Variants in TENM4 observed in about 807,000 individuals in gnomAD.
The protein encoded by TENM4 is teneurin-4.
In TENM4, 82 loss-of-function variants were observed where a neutral mutation model predicts 243.3. The observed-to-expected ratio is 0.34, with a 90% CI of 0.28 to 0.40. The LOEUF is 0.40. TENM4 is among the 10% of genes least tolerant of loss of function. The pLI is 1.00. For missense variants in TENM4, 3,138 were observed against 3,673.3 expected (o/e 0.85, Z 3.77); for synonymous variants, 1,412 against 1,456.3 (o/e 0.97, Z 0.69).
At chr11:78,837,134 T>C (rs1050281062) in intron 12 of TENM4, among the ~76,000 whole-genome samples, 1 of 152,198 alleles carries the variant, frequency 6.6e-6, no homozygotes, top group Admixed American at 6.5e-5. Context: ...CCAAATCTCA[T>C]CTTGAATTGT....
chr11:79,286,782 A>G (rs763072039), intron 2 of TENM4, among the ~76,000 whole-genome samples: 2 of 152,334 alleles, frequency 1.3e-5, no homozygotes, highest in African/African-American at 2.4e-5. Context: ...ATTTTCTTTC[A>G]TCTTCATTTA....
intron 3 of TENM4, among the ~76,000 whole-genome samples, chr11:79,185,914 A>G (rs930171513): frequency 1.3e-5 from 2 of 152,194 alleles, no homozygotes; most frequent in Non-Finnish European, 2.9e-5. Context: ...AGTTATCCCC[A>G]AGTCTGAGTG....
chr11:78,974,821 G>A (rs1350395155), intron 6 of TENM4, among the ~76,000 whole-genome samples: 1 of 151,266 alleles, frequency 6.6e-6, no homozygotes, highest in Non-Finnish European at 1.5e-5. Context: ...CAAGTAGCTG[G>A]GATTATAGGC....
intron 6 of TENM4, among the ~76,000 whole-genome samples, chr11:78,961,906 G>C (rs1857332834): frequency 6.6e-6 from 1 of 151,720 alleles, no homozygotes; most frequent in South Asian, 2.1e-4. Context: ...CTGCCTGTCC[G>C]ATGTCTCTCA....
chr11:78,765,675 T>G (rs1197993386), intron 18 of TENM4, among the ~76,000 whole-genome samples: 1 of 152,228 alleles, frequency 6.6e-6, no homozygotes, highest in Non-Finnish European at 1.5e-5. Flanking sequence ...GCTCTCCCGC[T>G]GAGCCACTGT....
At chr11:79,319,013 A>G (rs1856846085) in intron 1 of TENM4, among the ~76,000 whole-genome samples, 1 of 152,198 alleles carries the variant, frequency 6.6e-6, no homozygotes, top group South Asian at 2.1e-4. Context: ...TTCAGGGCCA[A>G]CCATGTGCCA....
intron 2 of TENM4, among the ~76,000 whole-genome samples, chr11:79,271,500 T>C (rs917725156): frequency 1.3e-5 from 2 of 152,282 alleles, no homozygotes; most frequent in Admixed American, 1.3e-4. Context: ...TGCATTTGTG[T>C]CCCCAGGGCC....
intron 12 of TENM4, among the ~76,000 whole-genome samples, chr11:78,836,678 A>G (rs1351616111): frequency 6.6e-6 from 1 of 152,182 alleles, no homozygotes; most frequent in Non-Finnish European, 1.5e-5. Flanking sequence ...TTTCTTTCTT[A>G]AAGTGAATCC....
chr11:79,270,014 C>T lies in TENM4; in HGVS notation c.-265+27474G>A, dbSNP rs986996424. ...CCCAGCAGGTTCCTTTCCAGGGCCT[C>T]GCAGAGAAGCACAGGCCTGCATGCA... On this transcript the variant is annotated intron_variant, in intron 2 of 33. Transcript: ENST00000278550. 1.4e-4 allele frequency among the ~76,000 whole-genome samples: 21 copies of T among 152,212 alleles called. No homozygotes were observed. In the East Asian group the frequency reaches 1.7e-3, roughly 13 times the overall value.
At chr11:79,041,594 T>C (rs1000651205) in intron 6 of TENM4, among the ~76,000 whole-genome samples, 8 of 152,128 alleles carry the variant, frequency 5.3e-5, no homozygotes, top group African/African-American at 1.4e-4. Flanking sequence ...TGTGAATACA[T>C]TTTTGTATCT....
chr11:78,683,347 C>T (rs1464116179), intron 29 of TENM4, among the ~76,000 whole-genome samples: 1 of 75,286 alleles, frequency 1.3e-5, no homozygotes, highest in East Asian at 2.1e-4. Context: ...CTAAGCGAGC[C>T]TGGGCTATGG....
chr11:79,317,309 G>T (rs1304805115), intron 1 of TENM4, among the ~76,000 whole-genome samples: 1 of 152,166 alleles, frequency 6.6e-6, no homozygotes, highest in Non-Finnish European at 1.5e-5. Flanking sequence ...AATGAGCCAT[G>T]AAGTCAGCTT....
chr11:79,347,177 C>T (rs74813962), intron 1 of TENM4, among the ~76,000 whole-genome samples: 5 of 152,186 alleles, frequency 3.3e-5, no homozygotes, highest in Non-Finnish European at 7.3e-5. Flanking sequence ...CCAGCTCCCA[C>T]CAAATAAACA....
intron 20 of TENM4, among the ~76,000 whole-genome samples, chr11:78,735,862 CTCCTT>C (rs1171624857): frequency 6.7e-6 from 1 of 148,534 alleles, no homozygotes; most frequent in Non-Finnish European, 1.5e-5. Flanking sequence ...CTCCTCTCCT[CTCCTT>C]TCTTTTCTTC....
chr11:79,237,603 G>A (rs1016077265), intron 2 of TENM4, among the ~76,000 whole-genome samples: 3 of 152,204 alleles, frequency 2.0e-5, no homozygotes, highest in Non-Finnish European at 4.4e-5. Flanking sequence ...CTTGAACCTG[G>A]GAGGTGGAGG....
chr11:79,047,695 T>A (rs1489622693), intron 6 of TENM4, among the ~76,000 whole-genome samples: 2 of 152,198 alleles, frequency 1.3e-5, no homozygotes, highest in East Asian at 3.9e-4. Context: ...AGTGGGAGGA[T>A]GCAGGTTCGG....
intron 3 of TENM4, among the ~76,000 whole-genome samples, chr11:79,212,910 G>A (rs557727356): frequency 6.6e-6 from 1 of 152,196 alleles, no homozygotes; most frequent in African/African-American, 2.4e-5. Flanking sequence ...TCACAGAGGA[G>A]GAAAGGGGCC....
At chr11:78,949,273 C>T (rs1218132493) in intron 6 of TENM4, among the ~76,000 whole-genome samples, 1 of 152,188 alleles carries the variant, frequency 6.6e-6, no homozygotes, top group Non-Finnish European at 1.5e-5. Flanking sequence ...GATGTTAATG[C>T]TCAGGCCCTT....
chr11:78,947,194 C>A (rs1256868402), intron 6 of TENM4, among the ~76,000 whole-genome samples: 1 of 152,200 alleles, frequency 6.6e-6, no homozygotes, highest in African/African-American at 2.4e-5. Context: ...ACTGGTCTCA[C>A]GTACACAGTG....
Sources: allele counts gnomAD v4.1 joint callset (sites outside exome capture counted in the v4.1 genomes callset), GRCh38; gene constraint gnomAD v4.1.1; transcripts MANE v1.5; gene names NCBI Gene and HGNC (gene_info 2026-07-23, HGNC 2026-07-21).